DOK6: variants seen among roughly 807,000 people sequenced by gnomAD.
DOK6 encodes docking protein 6.
DOK6 carries 22 observed loss-of-function variants against 44.0 expected under a neutral mutation model. That is an observed-to-expected ratio of 0.50 (90% CI 0.36 to 0.71). The LOEUF is 0.71. DOK6 is among the 30% of genes least tolerant of loss of function. The pLI, the probability that DOK6 is intolerant of heterozygous loss-of-function variation, is 0.00. For missense variants in DOK6, 340 were observed against 416.4 expected (o/e 0.82, Z 1.60); for synonymous variants, 166 against 145.5 (o/e 1.14, Z -1.01).
At chr18:69,493,943 GC>G (rs1980808593) in intron 1 of DOK6, among the ~76,000 whole-genome samples, 1 of 152,122 alleles carries the variant, frequency 6.6e-6, no homozygotes, top group Non-Finnish European at 1.5e-5. Context: ...ACATAATCAT[GC>G]ATTCAGATAG....
chr18:69,762,218 T>G (rs1456499132), intron 7 of DOK6, among the ~76,000 whole-genome samples: 1 of 152,202 alleles, frequency 6.6e-6, no homozygotes, highest in Non-Finnish European at 1.5e-5. Context: ...GGCACACGCC[T>G]GTAGTCCTAG....
intron 2 of DOK6, among the ~76,000 whole-genome samples, chr18:69,565,588 G>C (rs111513624): frequency 0.011 from 1,615 of 150,930 alleles, 22 homozygotes; most frequent in African/African-American, 0.036. Context: ...CTATGTTGCT[G>C]GTCTCAAACT....
rs960042346 is a variant in DOK6 at position 69,723,844 on chromosome 18, C to T, written c.600-15121C>T. On this transcript the variant is annotated intron_variant, in intron 5 of 7. Coordinates refer to ENST00000382713, the MANE Select transcript of DOK6 (RefSeq NM_152721.6). ...AGGTCAGGTGACTTTTCCAAGGCAT[C>T]CAAGCTGAGCCCAGGGCCTTCGATT... 3.3e-5 allele frequency among the ~76,000 whole-genome samples: 5 copies of T among 152,170 alleles called. No individual in the cohort carries two copies. In the East Asian group the frequency reaches 9.6e-4, roughly 29 times the overall value.
At chr18:69,789,508 A>G (rs1980531159) in intron 7 of DOK6, among the ~76,000 whole-genome samples, 2 of 152,042 alleles carry the variant, frequency 1.3e-5, no homozygotes, top group Non-Finnish European at 2.9e-5. Context: ...GAAATTCAAC[A>G]AATAAAACTA....
chr18:69,697,568 T>C (rs1986416459), intron 4 of DOK6, among the ~76,000 whole-genome samples: 1 of 152,150 alleles, frequency 6.6e-6, no homozygotes, highest in African/African-American at 2.4e-5. Context: ...TAGAGTATGT[T>C]GTAAGGCATA....
At chr18:69,623,407 C>T (rs9961498) in intron 3 of DOK6, among the ~76,000 whole-genome samples, 107,576 of 151,504 alleles carry the variant, frequency 0.71, 40,745 homozygotes, top group Non-Finnish European at 0.85. Context: ...ATAACATTTT[C>T]CAGCATAAAA....
intron 1 of DOK6, among the ~76,000 whole-genome samples, chr18:69,483,158 G>A (rs980334820): frequency 9.9e-5 from 15 of 151,714 alleles, no homozygotes; most frequent in Non-Finnish European, 1.5e-5. Flanking sequence ...CTGTTCCTGT[G>A]TTAGTTTGCC....
chr18:69,603,384 C>T (rs1338306604), intron 3 of DOK6, among the ~76,000 whole-genome samples: 5 of 152,108 alleles, frequency 3.3e-5, no homozygotes, highest in African/African-American at 1.2e-4. Flanking sequence ...CATTTGTTAC[C>T]AGTCTATAGA....
At chr18:69,586,757 C>T (rs2144613924) in intron 2 of DOK6, among the ~76,000 whole-genome samples, 1 of 152,220 alleles carries the variant, frequency 6.6e-6, no homozygotes, top group South Asian at 2.1e-4. Context: ...TGCGTTTTCC[C>T]TGCATTTCCT....
chr18:69,592,934 T>C (rs1291301034), intron 2 of DOK6, among the ~76,000 whole-genome samples: 2 of 152,168 alleles, frequency 1.3e-5, no homozygotes, highest in Non-Finnish European at 2.9e-5. Context: ...GCTTTCTTTA[T>C]GTAAGTAAAT....
chr18:69,841,696 C>T lies in DOK6; in HGVS notation c.*313C>T, dbSNP rs2145141644. 7.3e-6 allele frequency: 2 copies of T among 272,420 alleles called. No homozygotes were observed. Among genetic ancestry groups the T allele is most frequent in the East Asian group, 7.3e-5 (1 of 13,740 alleles). The allele number at this position is 272,420 out of a possible 1,614,324, so 16.9% of individuals were successfully genotyped here. A position where few individuals can be genotyped will look rare whatever the true frequency, so the allele number is the denominator to read the frequency against. Reference sequence around the variant, plus strand: ...GAAACCTCAGCACTGGGAAAAGTTGCCCACACTGGGGTATGCCTGGGTGAT... The same window carrying T: ...GAAACCTCAGCACTGGGAAAAGTTGTCCACACTGGGGTATGCCTGGGTGAT... On this transcript the variant is annotated 3_prime_UTR_variant, in exon 8 of 8. Coordinates refer to ENST00000382713, the MANE Select transcript of DOK6 (RefSeq NM_152721.6).
intron 2 of DOK6, among the ~76,000 whole-genome samples, chr18:69,578,171 C>T (rs541244151): frequency 2.4e-4 from 36 of 152,260 alleles, no homozygotes; most frequent in African/African-American, 8.7e-4. Context: ...AGCAAAATTA[C>T]TGTCCTTATT....
At chr18:69,812,996 G>A (rs1447844471) in intron 7 of DOK6, among the ~76,000 whole-genome samples, 2 of 151,952 alleles carry the variant, frequency 1.3e-5, no homozygotes, top group Non-Finnish European at 2.9e-5. Context: ...CCATATGAAC[G>A]TGACACATAA....
chr18:69,499,226 T>TATATATACACATAC (rs139185178), intron 1 of DOK6, among the ~76,000 whole-genome samples: 299 of 151,202 alleles, frequency 2.0e-3, no homozygotes, highest in African/African-American at 6.7e-3. Flanking sequence ...TGTGTGTATG[T>TATATATACACATAC]ATATATATAT....
intron 1 of DOK6, among the ~76,000 whole-genome samples, chr18:69,555,335 A>G (rs552747305): frequency 6.6e-6 from 1 of 152,264 alleles, no homozygotes; most frequent in South Asian, 2.1e-4. Context: ...AAGAGCAAAA[A>G]TCTTGTTGAG....
chr18:69,553,158 T>C (rs769453276), intron 1 of DOK6, among the ~76,000 whole-genome samples: 6 of 152,204 alleles, frequency 3.9e-5, no homozygotes, highest in East Asian at 3.8e-4. Flanking sequence ...TTGCTGCAGG[T>C]GGGAAAATAA....
At chr18:69,410,790 T>G (rs1978302718) in intron 1 of DOK6, among the ~76,000 whole-genome samples, 1 of 152,206 alleles carries the variant, frequency 6.6e-6, no homozygotes, top group South Asian at 2.1e-4. Context: ...GTACTTAATT[T>G]AAGACTCACT....
At chr18:69,609,205 G>T (rs1030486072) in intron 3 of DOK6, among the ~76,000 whole-genome samples, 1 of 152,050 alleles carries the variant, frequency 6.6e-6, no homozygotes, top group Non-Finnish European at 1.5e-5. Context: ...ACATCAACAG[G>T]ATGAAAAGGC....
rs1487887955 is a variant in DOK6 at position 69,824,202 on chromosome 18, C to CG, written c.857-17042_857-17041insG. 3.2e-3 allele frequency among the ~76,000 whole-genome samples: 447 copies of CG among 139,282 alleles called. 7 individuals carry two copies. The highest frequency in any genetic ancestry group is 0.011 in the African/African-American group (417 of 37,524). The allele number at this position is 139,282 out of a possible 152,430, so 91.4% of individuals were successfully genotyped here. A position where few individuals can be genotyped will look rare whatever the true frequency, so the allele number is the denominator to read the frequency against. ...TAATGCTATCCCTCCCCCCTCCCCC[C>CG]ACCCCACAACAGGCCCCGGTGTGTG... On this transcript the variant is annotated intron_variant, in intron 7 of 7. Coordinates refer to ENST00000382713, the MANE Select transcript of DOK6 (RefSeq NM_152721.6).
Sources: gnomAD v4.1 joint callset for allele counts (sites outside exome capture counted in the v4.1 genomes callset) on GRCh38, gnomAD v4.1.1 for gene constraint, MANE v1.5 for transcripts, NCBI Gene and HGNC (gene_info 2026-07-23, HGNC 2026-07-21) for gene names.